ATP2A2: variants seen among roughly 807,000 people sequenced by gnomAD.
The protein encoded by ATP2A2 is ATPase sarcoplasmic/endoplasmic reticulum Ca2+ transporting 2.
In ATP2A2, 14 loss-of-function variants were observed where a neutral mutation model predicts 109.3. That is an observed-to-expected ratio of 0.13 (90% CI 0.08 to 0.20). The LOEUF (loss-of-function observed/expected upper bound fraction) is 0.20. Among genes scored for constraint, ATP2A2 ranks in the 10% least tolerant of loss-of-function variants. The pLI is 1.00. For missense variants in ATP2A2, 657 were observed against 1,321.6 expected (o/e 0.50, Z 7.80); for synonymous variants, 506 against 490.9 (o/e 1.03, Z -0.41).
In ATP2A2 at chr12:110,346,328, A is replaced by T. The variant is rs771823049; in HGVS notation, c.2987A>T (p.Glu996Val). 1.1e-5 allele frequency: 17 copies of T among 1,614,090 alleles called. No individual in the cohort carries two copies. In the South Asian group the frequency reaches 1.1e-4, roughly 10 times the overall value. Residue 996 changes from glutamate to valine, a missense_variant, in exon 20 of 20, where the codon GAG becomes GTG. Around this residue, in one of 9 missense-constraint regions of ATP2A2, gnomAD observed 53 missense variants for 61.2 expected, o/e 0.87. Coordinates refer to ENST00000539276, the MANE Select transcript of ATP2A2 (RefSeq NM_170665.4). The part of the protein sequence containing the change: ...VARNYLEPGK[E>V]CVQPATKSCS... ...CGCAACTACCTGGAACCTGGTAAAG[A>T]GTGTGTGCAGCCTGCCACCAAATCC...
chr12:110,309,567 G>A lies in ATP2A2; in HGVS notation c.463+12830G>A, dbSNP rs76390492. On this transcript the variant is annotated intron_variant, in intron 5 of 19. Transcript: ENST00000539276. ...AGTCTTAAGTATCTAGAACACAAGA[G>A]CCAAATGAAATTGATATGGCAAATA... Among the ~76,000 whole-genome samples the A allele has an allele frequency of 5.9e-3, 895 of 152,152 alleles. 3 individuals are homozygous for A. Among genetic ancestry groups the A allele is most frequent in the African/African-American group, 0.021 (857 of 41,488 alleles).
chr12:110,345,951 C>CA (rs1384623634), intron 18 of ATP2A2, 50 bp from the exon 19 acceptor site: 1 of 1,568,770 alleles, frequency 6.4e-7, no homozygotes, highest in African/African-American at 1.4e-5. Context: ...GCCACTGTGA[C>CA]ACGTGCCTTG....
chr12:110,345,872 G>A, intron 18 of ATP2A2, 129 bp from the exon 19 acceptor site: 1 of 893,270 alleles, frequency 1.1e-6, no homozygotes, highest in Non-Finnish European at 1.9e-6. Flanking sequence ...GTAGAAAGTG[G>A]AGGTAGGTCA....
At position 110,327,322 on chromosome 12, in the gene ATP2A2, C is replaced by T. The variant is rs1566229169; in HGVS notation, c.631-231C>T. 6.6e-6 allele frequency among the ~76,000 whole-genome samples: 1 copy of T among 152,012 alleles called. No individual in the cohort carries two copies. The highest frequency in any genetic ancestry group is 1.5e-5 in the Non-Finnish European group (1 of 68,008). On this transcript the variant is annotated intron_variant, in intron 7 of 19. Transcript: ENST00000539276. The surrounding 1 kb of genome is among the most constrained non-coding windows in gnomAD (Gnocchi z 4.4). ...CACTGCTTGAAGATGGTCTGCAAGCCGGGCTCAAATAGAAATCTAGGTGGG... is the reference window on the plus strand; with the variant it reads ...CACTGCTTGAAGATGGTCTGCAAGCTGGGCTCAAATAGAAATCTAGGTGGG...
chr12:110,347,844 C>T lies in ATP2A2; in HGVS notation c.*1374C>T. On this transcript the variant is annotated 3_prime_UTR_variant, in exon 20 of 20. Coordinates refer to ENST00000539276, the MANE Select transcript of ATP2A2 (RefSeq NM_170665.4). The stretch of plus-strand genomic sequence containing the variant: ...TGCTTTAGCCTAAAGGTGACTGCCA[C>T]CAAGTGAGATAACTGTATGTCACTA... The T allele has an allele frequency of 2.9e-6, 3 of 1,018,646 alleles. No individual in the cohort carries two copies. Among genetic ancestry groups the T allele is most frequent in the Non-Finnish European group, 3.5e-6 (3 of 849,938 alleles). The allele number at this position is 1,018,646 out of a possible 1,614,324, so 63.1% of individuals were successfully genotyped here.
intron 16 of ATP2A2, among the ~76,000 whole-genome samples, chr12:110,343,635 C>T (rs1206621229): frequency 6.6e-6 from 1 of 152,176 alleles, no homozygotes; most frequent in Non-Finnish European, 1.5e-5. Context: ...TTTTAGCATC[C>T]TGCCCTTACT....
chr12:110,332,946 G>T (rs1235386368), intron 9 of ATP2A2, among the ~76,000 whole-genome samples: 1 of 152,204 alleles, frequency 6.6e-6, no homozygotes, highest in African/African-American at 2.4e-5. Flanking sequence ...AGTGGTGGAA[G>T]AATTGAATTA....
chr12:110,288,331 T>G (rs951752055), intron 3 of ATP2A2, among the ~76,000 whole-genome samples: 14 of 151,812 alleles, frequency 9.2e-5, no homozygotes, highest in Non-Finnish European at 1.9e-4. Flanking sequence ...CTCCAATTCC[T>G]GGCCTTAAGA....
intron 5 of ATP2A2, among the ~76,000 whole-genome samples, chr12:110,302,631 A>T (rs919308382): frequency 1.3e-5 from 2 of 151,204 alleles, no homozygotes; most frequent in African/African-American, 4.9e-5. Context: ...ACAGGGTCTC[A>T]CTCTGCTGTG....
rs117144514 is a variant in ATP2A2 at position 110,338,855 on chromosome 12, A to C, written c.1420-426A>C. 3.2e-3 allele frequency among the ~76,000 whole-genome samples: 484 copies of C among 152,262 alleles called. 1 individual carries two copies. The highest frequency in any genetic ancestry group is 5.2e-3 in the Non-Finnish European group (357 of 68,020). The stretch of plus-strand genomic sequence containing the variant: ...CCATTACCTGCCTCACCTTTTGCTC[A>C]TGTAAACTCTATTCCAGCCACGTTG... On this transcript the variant is annotated intron_variant, in intron 11 of 19. Transcript: ENST00000539276.
Position 110,349,084 on chromosome 12 carries a change from G to A in ATP2A2, c.*2614G>A. ...CAGCCCACAGAGGAGCCCATGGAGG[G>A]ACCCACTTCCCTTGGTCCAGACAGC... On this transcript the variant is annotated 3_prime_UTR_variant, in exon 20 of 20. Transcript: ENST00000539276. 1.0e-6 allele frequency: 1 copy of A among 985,478 alleles called. No homozygotes were observed. The highest frequency in any genetic ancestry group is 1.2e-6 in the Non-Finnish European group (1 of 829,980). The allele number at this position is 985,478 out of a possible 1,614,324, so 61.0% of individuals were successfully genotyped here.
chr12:110,311,930 A>C (rs1202800180), intron 5 of ATP2A2, among the ~76,000 whole-genome samples: 1 of 151,710 alleles, frequency 6.6e-6, no homozygotes, highest in Non-Finnish European at 1.5e-5. Context: ...TCATGCCAGC[A>C]CTTTGGGAGG....
At chr12:110,290,897 C>T (rs910802854) in intron 3 of ATP2A2, among the ~76,000 whole-genome samples, 1 of 151,682 alleles carries the variant, frequency 6.6e-6, no homozygotes, top group African/African-American at 2.4e-5. Context: ...AACCACCACA[C>T]CCAGCCATGA....
chr12:110,310,701 T>A (rs1875938553), intron 5 of ATP2A2, among the ~76,000 whole-genome samples: 2 of 152,210 alleles, frequency 1.3e-5, no homozygotes, highest in South Asian at 4.1e-4. Flanking sequence ...AATTGATAAT[T>A]TTATTTCCTA....
Position 110,347,400 on chromosome 12 carries a change from C to A in ATP2A2, c.*930C>A. ...GTCCAACTTTCTCTCCAGTTCTTAG[C>A]TCAGAACTTTAGTTGTACTCTGCTT... On this transcript the variant is annotated 3_prime_UTR_variant, in exon 20 of 20. Transcript: ENST00000539276. The A allele has an allele frequency of 7.8e-7, 1 of 1,289,120 alleles. No individual in the cohort carries two copies. Among genetic ancestry groups the A allele is most frequent in the South Asian group, 1.2e-5 (1 of 81,024 alleles). 79.9% of individuals were successfully genotyped at this position (1,289,120 alleles called of 1,614,324 possible).
At chr12:110,289,001 G>T (rs1244678397) in intron 3 of ATP2A2, among the ~76,000 whole-genome samples, 1 of 152,156 alleles carries the variant, frequency 6.6e-6, no homozygotes, top group African/African-American at 2.4e-5. Context: ...AACTGTGAAG[G>T]ACTGCCCGAC....
chr12:110,324,556 G>A (rs1198610354), intron 6 of ATP2A2, among the ~76,000 whole-genome samples: 2 of 152,098 alleles, frequency 1.3e-5, no homozygotes, highest in Non-Finnish European at 2.9e-5. Flanking sequence ...TGAGTGTCTG[G>A]GATTATAGGC....
intron 16 of ATP2A2, among the ~76,000 whole-genome samples, 195 bp from the exon 17 acceptor site, chr12:110,344,691 C>T (rs1879673421): frequency 6.6e-6 from 1 of 152,184 alleles, no homozygotes; most frequent in Non-Finnish European, 1.5e-5. Context: ...CTAGAAACAC[C>T]CCTGTCCTTC....
intron 5 of ATP2A2, among the ~76,000 whole-genome samples, chr12:110,309,147 T>TC (rs1875714345): frequency 1.2e-5 from 1 of 86,440 alleles, no homozygotes; most frequent in Non-Finnish European, 2.4e-5. Context: ...CTAATTTTTT[T>TC]TTTTTTTTTT....
Sources: allele counts gnomAD v4.1 joint callset (sites outside exome capture counted in the v4.1 genomes callset), GRCh38; gene constraint gnomAD v4.1.1; regional missense constraint gnomAD v4.1.1; non-coding constraint Gnocchi (gnomAD v3.1); transcripts MANE v1.5; gene names NCBI Gene and HGNC (gene_info 2026-07-23, HGNC 2026-07-21).